Variants in TRPC6 observed in about 807,000 individuals in gnomAD.
The protein encoded by TRPC6 is transient receptor potential cation channel subfamily C member 6.
A neutral mutation model predicts 90.7 loss-of-function variants in TRPC6; 55 were observed. That is an observed-to-expected ratio of 0.61 (90% CI 0.49 to 0.76). The LOEUF is 0.76. Among genes scored for constraint, TRPC6 ranks in the 30% least tolerant of loss-of-function variants. The probability of loss-of-function intolerance (pLI) is 0.00; values close to 1 mark genes in which losing one functional copy is unlikely to be tolerated. For synonymous variants in TRPC6, 393 were observed against 393.0 expected (o/e 1.00, Z 0.00); for missense variants, 989 against 1,122.7 (o/e 0.88, Z 1.70).
At chr11:101,521,213 GC>G (rs1440200665) in intron 1 of TRPC6, among the ~76,000 whole-genome samples, 2 of 152,146 alleles carry the variant, frequency 1.3e-5, no homozygotes, top group African/African-American at 4.8e-5. Flanking sequence ...GGTTTCGTAG[GC>G]CAGGCCCAGG....
intron 1 of TRPC6, among the ~76,000 whole-genome samples, chr11:101,565,567 G>T (rs11606855): frequency 2.0e-5 from 3 of 151,716 alleles, no homozygotes; most frequent in Non-Finnish European, 4.4e-5. Context: ...AACTGGAAGG[G>T]GAATTTTTTT....
intron 1 of TRPC6, among the ~76,000 whole-genome samples, chr11:101,578,609 A>AT (rs35789226): frequency 0.13 from 20,108 of 152,030 alleles, 1,809 homozygotes; most frequent in East Asian, 0.47. Context: ...TTTAAAAGTC[A>AT]TTTTTTGTTT....
chr11:101,544,328 C>T (rs890912943), intron 1 of TRPC6, among the ~76,000 whole-genome samples: 1 of 152,138 alleles, frequency 6.6e-6, no homozygotes, highest in Non-Finnish European at 1.5e-5. Context: ...GTGGTGATTC[C>T]TCAAGGATCT....
At chr11:101,538,999 G>C (rs1861115504) in intron 1 of TRPC6, among the ~76,000 whole-genome samples, 1 of 152,204 alleles carries the variant, frequency 6.6e-6, no homozygotes, top group African/African-American at 2.4e-5. Context: ...ACTCAGAACA[G>C]AGAAATCAGC....
At chr11:101,556,719 C>T (rs1168427028) in intron 1 of TRPC6, among the ~76,000 whole-genome samples, 3 of 152,118 alleles carry the variant, frequency 2.0e-5, no homozygotes, top group Non-Finnish European at 4.4e-5. Flanking sequence ...GCCAGCCCTA[C>T]CCTGATACCA....
At chr11:101,465,705 T>A (rs1006052906) in intron 10 of TRPC6, among the ~76,000 whole-genome samples, 1 of 152,118 alleles carries the variant, frequency 6.6e-6, no homozygotes, top group Non-Finnish European at 1.5e-5. Context: ...TTTTTCAAGG[T>A]TCTTAGTTTT....
chr11:101,556,862 A>G (rs900912827), intron 1 of TRPC6, among the ~76,000 whole-genome samples: 2 of 152,220 alleles, frequency 1.3e-5, no homozygotes, highest in Admixed American at 6.5e-5. Flanking sequence ...ATCCTCCATG[A>G]TCAGGTGGGA....
At chr11:101,481,631 A>G (rs1279948149) in intron 5 of TRPC6, among the ~76,000 whole-genome samples, 3 of 152,058 alleles carry the variant, frequency 2.0e-5, no homozygotes, top group African/African-American at 7.2e-5. Flanking sequence ...ATGTGCAATA[A>G]TCACCAAGTT....
At chr11:101,574,174 C>T (rs950266851) in intron 1 of TRPC6, among the ~76,000 whole-genome samples, 1 of 150,912 alleles carries the variant, frequency 6.6e-6, no homozygotes, top group African/African-American at 2.5e-5. Flanking sequence ...TGGCACAGAG[C>T]ACAATCCTGT....
chr11:101,583,734 G>C lies in TRPC6; in HGVS notation c.-231C>G, dbSNP rs1040820408. 2.9e-5 allele frequency: 13 copies of C among 443,498 alleles called. 1 individual carries two copies. In the East Asian group the frequency reaches 3.2e-4, roughly 11 times the overall value. 27.5% of individuals were successfully genotyped at this position (443,498 alleles called of 1,614,324 possible). A position where few individuals can be genotyped will look rare whatever the true frequency, so the allele number is the denominator to read the frequency against. ...GGGTGCAAAGAGGATCTTGACCTGA[G>C]CAGGTCAGGCCGAGGAGACCCCGCG... On this transcript the variant is annotated 5_prime_UTR_variant, in exon 1 of 13. Transcript: ENST00000344327.
intron 3 of TRPC6, 117 bp downstream of exon 3, chr11:101,491,439 A>G: frequency 1.4e-6 from 2 of 1,416,992 alleles, no homozygotes. Flanking sequence ...ATCTCAAAAA[A>G]AAAAAAAGAG....
Position 101,471,169 on chromosome 11 carries a change from T to C in TRPC6, c.2409+14A>G, listed in dbSNP as rs765162767. 6.2e-7 allele frequency: 1 copy of C among 1,611,018 alleles called. No individual in the cohort carries two copies. The highest frequency in any genetic ancestry group is 8.5e-7 in the Non-Finnish European group (1 of 1,177,462). ...AATTTAAGAATACAATGATAACTTA[T>C]CAAGCTAAGTTACCTTGTTCATCTC... On this transcript the variant is annotated intron_variant, in intron 9 of 12. Coordinates refer to ENST00000344327, the MANE Select transcript of TRPC6 (RefSeq NM_004621.6).
At position 101,541,223 on chromosome 11, in the gene TRPC6, T is replaced by C. The variant is rs192882452; in HGVS notation, c.171-36425A>G. On this transcript the variant is annotated intron_variant, in intron 1 of 12. Coordinates refer to ENST00000344327, the MANE Select transcript of TRPC6 (RefSeq NM_004621.6). ...AAGCCAGTCTTTTTGTTTTTTTCTA[T>C]GATGAAAACATATCCAAAATGTTTA... Among the ~76,000 whole-genome samples the C allele has an allele frequency of 2.0e-3, 312 of 152,364 alleles. 1 individual carries two copies. Among genetic ancestry groups the C allele is most frequent in the African/African-American group, 7.0e-3 (293 of 41,582 alleles).
At chr11:101,562,408 C>T (rs1591139650) in intron 1 of TRPC6, among the ~76,000 whole-genome samples, 1 of 152,040 alleles carries the variant, frequency 6.6e-6, no homozygotes, top group East Asian at 1.9e-4. Context: ...ATCTTGAGTC[C>T]CAGAATATTT....
At position 101,555,039 on chromosome 11, in the gene TRPC6, G is replaced by A. The variant is rs1299037088; in HGVS notation, c.170+28295C>T. The stretch of plus-strand genomic sequence containing the variant: ...TTCTTCTTACCTAGGTAATTTCAGT[G>A]CTATGACACTGCGGTCTGATAGTCA... On this transcript the variant is annotated intron_variant, in intron 1 of 12. Coordinates refer to ENST00000344327, the MANE Select transcript of TRPC6 (RefSeq NM_004621.6). Among the ~76,000 whole-genome samples the A allele has an allele frequency of 3.9e-5, 6 of 152,136 alleles. No homozygotes were observed. The East Asian group carries it at 1.2e-3, about 29-fold the overall frequency.
rs945488284 is a variant in TRPC6, at chr11:101,535,787, A to G, written c.171-30989T>C. 3.3e-5 allele frequency among the ~76,000 whole-genome samples: 5 copies of G among 152,224 alleles called. No individual in the cohort carries two copies. In the South Asian group the frequency reaches 6.2e-4, roughly 19 times the overall value. On this transcript the variant is annotated intron_variant, in intron 1 of 12. Coordinates refer to ENST00000344327, the MANE Select transcript of TRPC6 (RefSeq NM_004621.6). Reference sequence around the variant, plus strand: ...ATGACCTACCTGGAAAAATTTTAATAACAAAAAGTTGGTAACCAGATTAAT... The same window carrying G: ...ATGACCTACCTGGAAAAATTTTAATGACAAAAAGTTGGTAACCAGATTAAT...
chr11:101,581,068 A>G (rs139608807), intron 1 of TRPC6, among the ~76,000 whole-genome samples: 1 of 152,252 alleles, frequency 6.6e-6, no homozygotes, highest in Non-Finnish European at 1.5e-5. Context: ...TAATAGATTC[A>G]TATAAAACCA....
In TRPC6 at chr11:101,504,449, C is replaced by T. The variant is rs760761639; in HGVS notation, c.520G>A (p.Val174Ile). 2 of 1,614,006 alleles carry T rather than the reference C, an allele frequency of 1.2e-6. No individual in the cohort carries two copies. The highest frequency in any genetic ancestry group is 2.7e-5 in the African/African-American group (2 of 74,922). Reference sequence around the variant, plus strand: ...CTGAGAATTGCTTCCACAATCCGAACATAACCTTTACTAATAGCTAGAAGC... The same window carrying T: ...CTGAGAATTGCTTCCACAATCCGAATATAACCTTTACTAATAGCTAGAAGC... The part of the protein sequence containing the change: ...ALLLAISKGY[V>I]RIVEAILSHP... The change falls in exon 2 of 13, where the codon GTT (valine) becomes ATT (isoleucine). Residue 174 changes from valine (V) to isoleucine (I), a missense_variant. Physicochemically the swap from Val to Ile is conservative, Grantham distance 29. This residue lies in a region of TRPC6 where 486 missense variants were observed against 591.9 expected (regional missense o/e 0.82). Transcript: ENST00000344327.
chr11:101,550,558 A>C (rs1861427675), intron 1 of TRPC6, among the ~76,000 whole-genome samples: 2 of 151,888 alleles, frequency 1.3e-5, no homozygotes, highest in African/African-American at 4.8e-5. Context: ...TAAGCAACAG[A>C]ACTAAAGAAA....
Sources: gnomAD v4.1 joint callset for allele counts (sites outside exome capture counted in the v4.1 genomes callset) on GRCh38, gnomAD v4.1.1 for gene constraint, gnomAD v4.1.1 regional missense constraint, MANE v1.5 for transcripts, NCBI Gene and HGNC (gene_info 2026-07-23, HGNC 2026-07-21) for gene names.